Variants in PSMC1 observed in about 807,000 individuals in gnomAD.
The protein encoded by PSMC1 is 26S proteasome regulatory subunit 4.
A neutral mutation model predicts 49.8 loss-of-function variants in PSMC1; 5 were observed. The ratio of observed to expected loss-of-function variants is 0.10; its 90% confidence interval spans 0.05 to 0.21. The LOEUF is 0.21. Ranked by LOEUF, PSMC1 falls within the 10% of genes least tolerant of loss-of-function variation. The pLI is 1.00. For missense variants in PSMC1, 181 were observed against 535.7 expected (o/e 0.34, Z 6.54); for synonymous variants, 155 against 192.1 (o/e 0.81, Z 1.60).
chr14:90,256,659 C>T (rs566166637), intron 1 of PSMC1, 59 bp downstream of exon 1: 90 of 1,563,412 alleles, frequency 5.8e-5, no homozygotes, highest in African/African-American at 5.3e-4. Context: ...TCTCAGCAGC[C>T]TGAGGCGAGA....
chr14:90,270,465 T>C (rs1031186858), intron 10 of PSMC1, 113 bp downstream of exon 10: 8 of 1,184,862 alleles, frequency 6.8e-6, no homozygotes, highest in Non-Finnish European at 9.2e-6. Context: ...GTCTGTATTT[T>C]AATCATCATA....
chr14:90,265,417 G>A (rs949241250), intron 7 of PSMC1, among the ~76,000 whole-genome samples: 6 of 151,740 alleles, frequency 4.0e-5, no homozygotes, highest in South Asian at 2.1e-4. Flanking sequence ...GTGGCCGGGC[G>A]CAGTGGCTCA....
rs752034051 is a variant in PSMC1, at chr14:90,270,367, G to T, written c.1188+15G>T. ...CTGACATCAAGGTGAGAGCCTAGCC[G>T]TGTCAGCTTATTTCTGGGAATGTGG... On this transcript the variant is annotated intron_variant, in intron 10 of 10. Transcript: ENST00000261303. The T allele has an allele frequency of 1.2e-6, 2 of 1,606,648 alleles. No individual in the cohort carries two copies. The highest frequency in any genetic ancestry group is 2.2e-5 in the East Asian group (1 of 44,746).
Position 90,269,466 on chromosome 14 carries a change from T to C in PSMC1, c.951T>C (p.Asp317=), listed in dbSNP as rs1461564845. 10 of 1,613,308 alleles carry C rather than the reference T, an allele frequency of 6.2e-6. No homozygotes were observed. The highest frequency in any genetic ancestry group is 8.5e-6 in the Non-Finnish European group (10 of 1,179,790). The change falls in exon 9 of 11, where the codon GAT becomes GAC. Residue 317 remains aspartate (D), a synonymous_variant. Transcript: ENST00000261303. The part of the protein sequence containing the change: ...RTMLELLNQL[D]GFDSRGDVKV... ...TGTTGGAACTGCTGAACCAGTTGGA[T>C]GGATTTGATTCTAGGGGAGATGTGA...
chr14:90,264,683 G>A (rs1891469933), intron 6 of PSMC1, among the ~76,000 whole-genome samples: 1 of 152,196 alleles, frequency 6.6e-6, no homozygotes, highest in Non-Finnish European at 1.5e-5. Context: ...GGACCTCTGA[G>A]GCAGCTGAGA....
At position 90,269,256 on chromosome 14, in the gene PSMC1, G is replaced by A. The variant is rs548907076; in HGVS notation, c.882-141G>A. The A allele has an allele frequency of 3.4e-5, 24 of 702,156 alleles. No homozygotes were observed. In the East Asian group the frequency reaches 5.4e-4, roughly 16 times the overall value. The allele number at this position is 702,156 out of a possible 1,614,324, so 43.5% of individuals were successfully genotyped here. A position where few individuals can be genotyped will look rare whatever the true frequency, so the allele number is the denominator to read the frequency against. Reference sequence around the variant, plus strand: ...AAGGGGTGCTGAATTTATTTTTTCCGAGCATAATTGAGGGAGTGCCATGTG... The same window carrying A: ...AAGGGGTGCTGAATTTATTTTTTCCAAGCATAATTGAGGGAGTGCCATGTG... On this transcript the variant is annotated intron_variant, in intron 8 of 10. Coordinates refer to ENST00000261303, the MANE Select transcript of PSMC1 (RefSeq NM_002802.3).
chr14:90,269,378 C>CT lies in PSMC1; in HGVS notation c.882-19_882-18insT. On this transcript the variant is annotated intron_variant, in intron 8 of 10. Transcript: ENST00000261303. ...CGATCAGTTGAGTCTTCATTCCTTCCCTTTTTTTTTTTCCAAAGATATGAC... is the reference window on the plus strand; with the variant it reads ...CGATCAGTTGAGTCTTCATTCCTTCCTCTTTTTTTTTTTCCAAAGATATGAC... 5.8e-6 allele frequency: 9 copies of CT among 1,553,306 alleles called. No homozygotes were observed. Among genetic ancestry groups the CT allele is most frequent in the Non-Finnish European group, 6.9e-6 (8 of 1,153,064 alleles).
In PSMC1 at chr14:90,274,831, CACACACA is replaced by C. The variant is rs748761878; in HGVS notation, c.*2425_*2431del. The stretch of plus-strand genomic sequence containing the variant: ...ACACACACACACACACACACACACA[CACACACA>C]CCCCAATACATATGAATTGATCTGA... On this transcript the variant is annotated 3_prime_UTR_variant, in exon 11 of 11. Transcript: ENST00000261303. 5,082 of 94,322 alleles carry C rather than the reference CACACACA, an allele frequency of 0.054. 113 individuals carry two copies. The highest frequency in any genetic ancestry group is 0.099 in the Middle Eastern group (19 of 192). 5.8% of individuals were successfully genotyped at this position (94,322 alleles called of 1,614,324 possible). A position where few individuals can be genotyped will look rare whatever the true frequency, so the allele number is the denominator to read the frequency against.
rs1891571527 is a variant in PSMC1 at position 90,268,346 on chromosome 14, C to G, written c.814C>G (p.Arg272Gly). Residue 272 changes from arginine to glycine, a missense_variant, in exon 8 of 11, where the codon CGA (arginine) becomes GGA (glycine). Arg to Gly is a moderately radical substitution (Grantham distance 125). Around this residue, in one of 3 missense-constraint regions of PSMC1, gnomAD observed 121 missense variants for 358.6 expected, o/e 0.34. Coordinates refer to ENST00000261303, the MANE Select transcript of PSMC1 (RefSeq NM_002802.3). ...GCCCAAACTCGTACGGGAATTGTTC[C>G]GAGTTGCTGAAGAACATGCACCGTC... ...DGPKLVRELFRVAEEHAPSIV... is the reference protein window; with the variant it reads ...DGPKLVRELFGVAEEHAPSIV... 1 of 1,613,700 alleles carries G rather than the reference C, an allele frequency of 6.2e-7. No individual in the cohort carries two copies. Among genetic ancestry groups the G allele is most frequent in the Non-Finnish European group, 8.5e-7 (1 of 1,179,744 alleles).
rs1891783397 is a variant in PSMC1, at chr14:90,275,429, A to G, written c.*3022A>G. 1 of 152,176 alleles carries G rather than the reference A, an allele frequency of 6.6e-6. No homozygotes were observed. Among genetic ancestry groups the G allele is most frequent in the African/African-American group, 2.4e-5 (1 of 41,434 alleles). The allele number at this position is 152,176 out of a possible 1,614,324, so 9.4% of individuals were successfully genotyped here. A position where few individuals can be genotyped will look rare whatever the true frequency, so the allele number is the denominator to read the frequency against. On this transcript the variant is annotated 3_prime_UTR_variant, in exon 11 of 11. Transcript: ENST00000261303. ...GAGATTAAAAAAAACAAAAAACCCC[A>G]GCACATCAGTATTGCCTTTTCCTCA...
rs1397681714 is a variant in PSMC1 at position 90,274,180 on chromosome 14, AT to A, written c.*1774del. 19 of 155,058 alleles carry A rather than the reference AT, an allele frequency of 1.2e-4. No homozygotes were observed. In the Middle Eastern group the frequency reaches 1.6e-3, roughly 13 times the overall value. The allele number at this position is 155,058 out of a possible 1,614,324, so 9.6% of individuals were successfully genotyped here. ...GCCCAAGTAGGGTGTGGAGCTGTCC[AT>A]GTGGAGGAACACCACAGCACGGGGA... is the stretch of plus-strand genomic sequence containing the variant. On this transcript the variant is annotated 3_prime_UTR_variant, in exon 11 of 11. Transcript: ENST00000261303.
chr14:90,270,503 T>C, intron 10 of PSMC1, 151 bp downstream of exon 10: 1 of 850,540 alleles, frequency 1.2e-6, no homozygotes, highest in Non-Finnish European at 1.7e-6. Context: ...CCAAATGGTA[T>C]ATGTGCTTGA....
In PSMC1 at chr14:90,274,735, TAACA is replaced by T. The variant is rs976352663; in HGVS notation, c.*2333_*2336del. On this transcript the variant is annotated 3_prime_UTR_variant, in exon 11 of 11. Coordinates refer to ENST00000261303, the MANE Select transcript of PSMC1 (RefSeq NM_002802.3). ...CAAACTCGGGACAATCTGAGCATCCTAACAAACAGTTACTATTAATGGAATACAG... is the reference window on the plus strand; with the variant it reads ...CAAACTCGGGACAATCTGAGCATCCTAACAGTTACTATTAATGGAATACAG... The T allele has an allele frequency of 3.4e-5, 5 of 148,728 alleles. No homozygotes were observed. Among genetic ancestry groups the T allele is most frequent in the Admixed American group, 1.4e-4 (2 of 14,718 alleles). 9.2% of individuals were successfully genotyped at this position (148,728 alleles called of 1,614,324 possible). A position where few individuals can be genotyped will look rare whatever the true frequency, so the allele number is the denominator to read the frequency against.
chr14:90,265,266 A>G, intron 7 of PSMC1, 100 bp downstream of exon 7: 1 of 795,450 alleles, frequency 1.3e-6, no homozygotes, highest in South Asian at 1.7e-5. Context: ...GGACACCACA[A>G]TTCCTTAGTT....
intron 8 of PSMC1, chr14:90,268,709 A>T: frequency 3.4e-6 from 1 of 291,794 alleles, no homozygotes; most frequent in Non-Finnish European, 6.3e-6. Flanking sequence ...GCCCTGGAGG[A>T]GCTCACAGGT....
intron 9 of PSMC1, 30 bp downstream of exon 9, chr14:90,269,578 A>T (rs1891607431): frequency 6.2e-7 from 1 of 1,607,314 alleles, no homozygotes; most frequent in Non-Finnish European, 8.5e-7. Context: ...CATCATGGAG[A>T]TTAATGTGTT....
At chr14:90,269,893 T>C (rs898964120) in intron 9 of PSMC1, 8 of 375,800 alleles carry the variant, frequency 2.1e-5, no homozygotes, top group Non-Finnish European at 3.3e-5. Flanking sequence ...AAACAGTGAT[T>C]TGTTTGCTGT....
chr14:90,272,285 G>C lies in PSMC1; in HGVS notation c.1201G>C (p.Glu401Gln). 6.2e-7 allele frequency: 1 copy of C among 1,603,796 alleles called. No homozygotes were observed. Among genetic ancestry groups the C allele is most frequent in the Non-Finnish European group, 8.5e-7 (1 of 1,178,162 alleles). The change falls in exon 11 of 11, where the codon GAA (glutamate) becomes CAA (glutamine). Residue 401 changes from glutamate (E) to glutamine (Q), a missense_variant. Transcript: ENST00000261303. The surrounding 1 kb of genome is among the most constrained non-coding windows in gnomAD (Gnocchi z 4.5). ...TTCTTTCTTACAGGCAATCTGTACA[G>C]AAGCTGGTCTGATGGCCTTAAGAGA... ...SGADIKAICT[E>Q]AGLMALRERR...
At position 90,269,765 on chromosome 14, in the gene PSMC1, T is replaced by TAGAC. The variant is rs1415195817; in HGVS notation, c.1033+217_1033+218insAGAC. The stretch of plus-strand genomic sequence containing the variant: ...CCCTTTGAATTCCAGTCTTATGTCT[T>TAGAC]GTCTTTTCTTTTCCATAACATTCCC... On this transcript the variant is annotated intron_variant, in intron 9 of 10. Transcript: ENST00000261303. 25 of 457,634 alleles carry TAGAC rather than the reference T, an allele frequency of 5.5e-5. No homozygotes were observed. The East Asian group carries it at 8.3e-4, about 15-fold the overall frequency. 28.3% of individuals were successfully genotyped at this position (457,634 alleles called of 1,614,324 possible).
Sources: allele counts gnomAD v4.1 joint callset (sites outside exome capture counted in the v4.1 genomes callset), GRCh38; gene constraint gnomAD v4.1.1; regional missense constraint gnomAD v4.1.1; non-coding constraint Gnocchi (gnomAD v3.1); transcripts MANE v1.5; gene names NCBI Gene and HGNC (gene_info 2026-07-23, HGNC 2026-07-21).